MACROD2: variants seen among roughly 807,000 people sequenced by gnomAD.
The protein encoded by MACROD2 is mono-ADP ribosylhydrolase 2, also known as ADP-ribose glycohydrolase MACROD2.
MACROD2 carries 36 observed loss-of-function variants against 70.4 expected under a neutral mutation model. The ratio of observed to expected loss-of-function variants is 0.51; its 90% CI spans 0.39 to 0.68. The LOEUF is 0.68. Ranked by LOEUF, MACROD2 falls within the 30% of genes least tolerant of loss-of-function variation. The pLI is 0.00. For synonymous variants in MACROD2, 172 were observed against 178.8 expected (o/e 0.96, Z 0.30); for missense variants, 496 against 538.4 (o/e 0.92, Z 0.78).
intron 3 of MACROD2, chr20:14,127,700 G>A (rs1418945629): frequency 7.7e-6 from 3 of 388,770 alleles, no homozygotes; most frequent in African/African-American, 4.2e-5. Context: ...TGTGGTTTCT[G>A]AACGTGATAC....
intron 13 of MACROD2, among the ~76,000 whole-genome samples, chr20:15,984,307 ATTTTTTTAAC>A (rs2066445722): frequency 6.6e-6 from 1 of 152,060 alleles, no homozygotes; most frequent in Admixed American, 6.5e-5. Context: ...TAAAACAATA[ATTTTTTTAAC>A]TTTTAATGTA....
intron 6 of MACROD2, among the ~76,000 whole-genome samples, chr20:15,265,935 A>G (rs957651893): frequency 6.6e-6 from 1 of 152,248 alleles, no homozygotes; most frequent in Non-Finnish European, 1.5e-5. Context: ...ATGTTTTAGC[A>G]TCTGCTAACA....
chr20:15,856,362 T>G (rs1479953259), intron 8 of MACROD2, among the ~76,000 whole-genome samples: 1 of 152,196 alleles, frequency 6.6e-6, no homozygotes, highest in Non-Finnish European at 1.5e-5. Flanking sequence ...AAGATGTCAG[T>G]TGGTGACAAT....
chr20:14,898,830 C>T (rs935679586), intron 5 of MACROD2, among the ~76,000 whole-genome samples: 5 of 152,104 alleles, frequency 3.3e-5, no homozygotes, highest in African/African-American at 4.8e-5. Flanking sequence ...CCATTGGCTT[C>T]TGAATGAGAG....
At chr20:14,990,577 G>A (rs573168255) in intron 5 of MACROD2, among the ~76,000 whole-genome samples, 8 of 148,116 alleles carry the variant, frequency 5.4e-5, no homozygotes, top group South Asian at 4.3e-4. Context: ...GCAATGGCGC[G>A]ATCTCGACTC....
intron 8 of MACROD2, among the ~76,000 whole-genome samples, chr20:15,579,020 G>A (rs2146642426): frequency 6.6e-6 from 1 of 152,254 alleles, no homozygotes; most frequent in African/African-American, 2.4e-5. Context: ...ATTGATTCAA[G>A]TCAAACACTA....
chr20:14,937,750 C>T (rs1366179896), intron 5 of MACROD2, among the ~76,000 whole-genome samples: 2 of 151,994 alleles, frequency 1.3e-5, no homozygotes, highest in African/African-American at 4.8e-5. Context: ...ATTATGGTCA[C>T]CCTGTTGATC....
At chr20:15,880,668 T>C (rs1034403646) in intron 9 of MACROD2, among the ~76,000 whole-genome samples, 4 of 151,910 alleles carry the variant, frequency 2.6e-5, no homozygotes, top group Non-Finnish European at 4.4e-5. Context: ...TATATGCAAA[T>C]TGTCCATCAT....
intron 3 of MACROD2, among the ~76,000 whole-genome samples, chr20:14,180,413 T>C (rs558997513): frequency 3.3e-5 from 5 of 152,266 alleles, no homozygotes; most frequent in Middle Eastern, 3.4e-3. Flanking sequence ...GAGATATTAC[T>C]CCCAAACTGG....
intron 15 of MACROD2, 30 bp downstream of exon 15, chr20:15,987,188 GAATGGAGAGTTTC>G (rs1568689070): frequency 1.3e-6 from 2 of 1,523,326 alleles, no homozygotes; most frequent in East Asian, 4.6e-5. Context: ...AACCCATCAA[GAATGGAGAGTTTC>G]TTTGGATTCC....
intron 7 of MACROD2, among the ~76,000 whole-genome samples, chr20:15,460,688 A>G (rs947327703): frequency 4.6e-5 from 7 of 151,952 alleles, no homozygotes; most frequent in African/African-American, 9.7e-5. Flanking sequence ...AATTCCTTCT[A>G]TTACATTTTC....
chr20:14,413,783 TTGC>T (rs1302572184), intron 3 of MACROD2, among the ~76,000 whole-genome samples: 1 of 152,186 alleles, frequency 6.6e-6, no homozygotes, highest in Admixed American at 6.5e-5. Context: ...ATGAAAACTT[TTGC>T]TGCTTTTTTT....
chr20:15,909,799 A>G (rs1183324547), intron 10 of MACROD2, among the ~76,000 whole-genome samples: 2 of 152,140 alleles, frequency 1.3e-5, no homozygotes, highest in Non-Finnish European at 2.9e-5. Context: ...CTGGGATTAT[A>G]GGCGTGAGCC....
chr20:14,862,506 T>A (rs1390725607), intron 5 of MACROD2, among the ~76,000 whole-genome samples: 3 of 31,614 alleles, frequency 9.5e-5, no homozygotes, highest in African/African-American at 2.4e-4. Flanking sequence ...TAAATATATA[T>A]AAATATATAT....
intron 12 of MACROD2, among the ~76,000 whole-genome samples, chr20:15,939,653 G>T (rs6043629): frequency 6.6e-5 from 10 of 151,142 alleles, no homozygotes; most frequent in African/African-American, 2.4e-4. Flanking sequence ...ATGTATCAGG[G>T]AGTAATTTTG....
intron 5 of MACROD2, among the ~76,000 whole-genome samples, chr20:15,156,379 G>A (rs529389638): frequency 1.1e-4 from 16 of 152,274 alleles, no homozygotes; most frequent in East Asian, 3.9e-4. Flanking sequence ...TTTCATCTTA[G>A]TAATAGAAGC....
At chr20:15,413,956 T>C (rs1246425072) in intron 6 of MACROD2, among the ~76,000 whole-genome samples, 1 of 152,216 alleles carries the variant, frequency 6.6e-6, no homozygotes, top group Non-Finnish European at 1.5e-5. Flanking sequence ...TATGTATATA[T>C]GTTAACGTAC....
At chr20:14,071,067 A>G (rs2053830499) in intron 2 of MACROD2, among the ~76,000 whole-genome samples, 1 of 152,038 alleles carries the variant, frequency 6.6e-6, no homozygotes, top group African/African-American at 2.4e-5. Flanking sequence ...TTATCAGATG[A>G]TCTTCAGGGA....
chr20:15,528,498 C>A (rs930891600), intron 8 of MACROD2, among the ~76,000 whole-genome samples: 3 of 152,158 alleles, frequency 2.0e-5, no homozygotes, highest in Non-Finnish European at 4.4e-5. Flanking sequence ...CAGTCTCTTA[C>A]CACAAAGGAT....
Sources: gnomAD v4.1 joint callset for allele counts (sites outside exome capture counted in the v4.1 genomes callset) on GRCh38, gnomAD v4.1.1 for gene constraint, MANE v1.5 for transcripts, NCBI Gene and HGNC (gene_info 2026-07-23, HGNC 2026-07-21) for gene names.